RHOT1: variants seen among roughly 807,000 people sequenced by gnomAD.
RHOT1 encodes the protein mitochondrial Rho GTPase 1.
In RHOT1, 27 loss-of-function variants were observed where a neutral mutation model predicts 95.3. The observed-to-expected ratio is 0.28, with a 90% confidence interval of 0.21 to 0.39. RHOT1 has a LOEUF of 0.39. RHOT1 is among the 10% of genes least tolerant of loss of function. RHOT1 has a pLI of 1.00. For synonymous variants in RHOT1, 227 were observed against 263.5 expected, an observed-to-expected ratio of 0.86 and a Z score of 1.34; for missense variants, 578 against 786.7, an observed-to-expected ratio of 0.73 and a Z score of 3.17.
chr17:32,160,464 A>G (rs920333432), intron 1 of RHOT1: 3 of 152,344 alleles, frequency 2.0e-5, no homozygotes, highest in African/African-American at 7.2e-5. Context: ...TGTAACACAA[A>G]CAGGGTTGAA....
chr17:32,203,175 G>C (rs2037446598), intron 15 of RHOT1, among the ~76,000 whole-genome samples: 1 of 150,928 alleles, frequency 6.6e-6, no homozygotes, highest in Non-Finnish European at 1.5e-5. Flanking sequence ...TGAAGTAAAT[G>C]CACAGTAAAT....
intron 1 of RHOT1, among the ~76,000 whole-genome samples, chr17:32,149,724 TACACATATATATACACACACACAC>T (rs2032039860): frequency 6.9e-6 from 1 of 145,520 alleles, no homozygotes; most frequent in African/African-American, 2.6e-5. Context: ...CACATATATA[TACACATATATATACACACACACAC>T]ACACATATAT....
intron 1 of RHOT1, among the ~76,000 whole-genome samples, chr17:32,153,214 A>G (rs954339687): frequency 6.6e-6 from 1 of 152,216 alleles, no homozygotes; most frequent in Non-Finnish European, 1.5e-5. Context: ...GATAATTCTG[A>G]AAAGGGGATT....
At chr17:32,206,441 CTTTTTTTTTTTTTTTTT>C (rs34176535) in intron 16 of RHOT1, among the ~76,000 whole-genome samples, 7 of 67,026 alleles carry the variant, frequency 1.0e-4, no homozygotes, top group African/African-American at 2.5e-4. Flanking sequence ...TCTATACTTT[CTTTTTTTTTTTTTTTTT>C]TTTTTTTTTT....
At chr17:32,184,305 T>C (rs1209809561) in intron 8 of RHOT1, among the ~76,000 whole-genome samples, 2 of 152,198 alleles carry the variant, frequency 1.3e-5, no homozygotes, top group East Asian at 3.9e-4. Context: ...TTGCCTCTTC[T>C]GGACATTTTA....
intron 18 of RHOT1, among the ~76,000 whole-genome samples, chr17:32,210,597 C>A (rs2038062125): frequency 6.6e-6 from 1 of 152,122 alleles, no homozygotes; most frequent in Non-Finnish European, 1.5e-5. Flanking sequence ...CGTTGTTGTT[C>A]ACATCTTCTC....
At chr17:32,155,816 A>G (rs1234129117) in intron 1 of RHOT1, among the ~76,000 whole-genome samples, 1 of 152,126 alleles carries the variant, frequency 6.6e-6, no homozygotes, top group Non-Finnish European at 1.5e-5. Flanking sequence ...TGCTGGGATT[A>G]CAGACATGAG....
At chr17:32,195,120 C>T (rs529178209) in intron 11 of RHOT1, among the ~76,000 whole-genome samples, 30 of 151,442 alleles carry the variant, frequency 2.0e-4, no homozygotes, top group Admixed American at 1.6e-3. Flanking sequence ...CCACTGCACC[C>T]GGCCTTTTTT....
intron 2 of RHOT1, among the ~76,000 whole-genome samples, chr17:32,173,585 C>T (rs759089787): frequency 3.4e-4 from 51 of 151,710 alleles, no homozygotes; most frequent in Middle Eastern, 3.4e-3. Context: ...CAGTGGTAGG[C>T]GCCTGTAATC....
At chr17:32,204,220 GATTTT>G (rs2037536866) in intron 16 of RHOT1, among the ~76,000 whole-genome samples, 2 of 152,056 alleles carry the variant, frequency 1.3e-5, no homozygotes, top group African/African-American at 4.8e-5. Flanking sequence ...TGCCAAGCTT[GATTTT>G]ATTTTTTTTC....
At chr17:32,194,752 T>C (rs1461165854) in intron 11 of RHOT1, among the ~76,000 whole-genome samples, 2 of 152,156 alleles carry the variant, frequency 1.3e-5, no homozygotes, top group Non-Finnish European at 2.9e-5. Flanking sequence ...CTCCCTCAGT[T>C]TTATAGCCTG....
At chr17:32,190,368 T>G (rs1598401174) in intron 8 of RHOT1, among the ~76,000 whole-genome samples, 1 of 151,862 alleles carries the variant, frequency 6.6e-6, no homozygotes, top group Non-Finnish European at 1.5e-5. Flanking sequence ...GGCAGGAGAA[T>G]CGCTTGAACC....
intron 6 of RHOT1, among the ~76,000 whole-genome samples, chr17:32,178,118 T>A (rs905520449): frequency 6.6e-6 from 1 of 151,798 alleles, no homozygotes. Context: ...AGCCACCGCA[T>A]GAGAGATGCT....
intron 5 of RHOT1, 68 bp from the exon 6 acceptor site, chr17:32,176,093 G>A (rs2078992472): frequency 1.3e-6 from 2 of 1,573,774 alleles, no homozygotes; most frequent in Middle Eastern, 1.7e-4. Flanking sequence ...AGAATTTTAG[G>A]GGTCTAAGGG....
intron 1 of RHOT1, among the ~76,000 whole-genome samples, chr17:32,165,028 A>G (rs1291868988): frequency 6.6e-6 from 1 of 151,620 alleles, no homozygotes; most frequent in Non-Finnish European, 1.5e-5. Context: ...AAAAACAAAA[A>G]AACAAAACAA....
At chr17:32,177,206 G>A (rs1049785413) in intron 6 of RHOT1, among the ~76,000 whole-genome samples, 1 of 152,168 alleles carries the variant, frequency 6.6e-6, no homozygotes. Context: ...CTCGTCAGTT[G>A]TGGTGATTTA....
intron 18 of RHOT1, 45 bp downstream of exon 18, chr17:32,208,354 A>T (rs1365143098): frequency 6.8e-7 from 1 of 1,473,806 alleles, no homozygotes. Flanking sequence ...GGTTCATAAC[A>T]TTGCATGCCA....
chr17:32,171,253 C>T (rs2034549813), intron 2 of RHOT1, 152 bp downstream of exon 2: 1 of 578,490 alleles, frequency 1.7e-6, no homozygotes, highest in East Asian at 3.2e-5. Flanking sequence ...CAGGGTCTCA[C>T]TCTATTGCCC....
intron 8 of RHOT1, among the ~76,000 whole-genome samples, chr17:32,184,160 G>A (rs2035854577): frequency 6.6e-6 from 1 of 152,142 alleles, no homozygotes; most frequent in African/African-American, 2.4e-5. Flanking sequence ...ACAAAGTTAT[G>A]CAATCATCAC....
Sources: allele counts gnomAD v4.1 joint callset (sites outside exome capture counted in the v4.1 genomes callset), GRCh38; gene constraint gnomAD v4.1.1; transcripts MANE v1.5; gene names NCBI Gene and HGNC (gene_info 2026-07-23, HGNC 2026-07-21).